Variants in BAP1 observed in about 807,000 individuals in gnomAD.
The protein encoded by BAP1 is ubiquitin carboxyl-terminal hydrolase BAP1.
Under a neutral mutation model 77.2 loss-of-function variants are expected in BAP1, and 16 were observed. That is an observed-to-expected ratio of 0.21 (90% CI 0.14 to 0.31). BAP1 has a LOEUF of 0.31. BAP1 is among the 10% of genes least tolerant of loss of function. The probability of loss-of-function intolerance (pLI) is 1.00; values close to 1 mark genes in which losing one functional copy is unlikely to be tolerated. For synonymous variants in BAP1, 362 were observed against 385.2 expected, an observed-to-expected ratio of 0.94 and a Z score of 0.71; for missense variants, 699 against 967.3, an observed-to-expected ratio of 0.72 and a Z score of 3.68.
At chr3:52,407,371 C>G (rs1204860205) in intron 6 of BAP1, 28 bp downstream of exon 6, 1 of 1,614,196 alleles carries the variant, frequency 6.2e-7, no homozygotes, top group East Asian at 2.2e-5. Context: ...ACTCCCACCC[C>G]ACATCAGCTC....
chr3:52,408,323 T>C, intron 4 of BAP1, 151 bp downstream of exon 4: 2 of 1,347,188 alleles, frequency 1.5e-6, no homozygotes, highest in South Asian at 2.5e-5. Flanking sequence ...CTTTAATGAA[T>C]TAAGAGTTCA....
At position 52,407,977 on chromosome 3, in the gene BAP1, G is replaced by C. The variant is rs762084469; in HGVS notation, c.356C>G (p.Thr119Ser). Residue 119 changes from threonine (T) to serine (S), a missense_variant, in exon 5 of 17, where the codon ACC (threonine) becomes AGC (serine). Physicochemically the swap from Thr to Ser is moderately conservative, Grantham distance 58 (BLOSUM62 1). Transcript: ENST00000460680. ...GPTLSRMKDF[T>S]KGFSPESKGY... The stretch of plus-strand genomic sequence containing the variant: ...GCCTACCTCAGGGCTGAAACCCTTG[G>C]TGAAGTCCTTCATGCGACTCAGGGT... 1.9e-6 allele frequency: 3 copies of C among 1,613,862 alleles called. No homozygotes were observed. In the African/African-American group the frequency reaches 4.0e-5, roughly 22 times the overall value.
chr3:52,404,292 G>A (rs1302051393), intron 12 of BAP1, among the ~76,000 whole-genome samples, 161 bp downstream of exon 12: 4 of 152,184 alleles, frequency 2.6e-5, no homozygotes, highest in African/African-American at 9.7e-5. Flanking sequence ...AAACTTCCTG[G>A]GGACCTGGGG....
At position 52,405,143 on chromosome 3, in the gene BAP1, T is replaced by C. The variant is rs2153227010; in HGVS notation, c.1083A>G (p.Leu361=). 1 of 1,614,144 alleles carries C rather than the reference T, an allele frequency of 6.2e-7. No individual in the cohort carries two copies. The change falls in exon 11 of 17, where the codon CTA becomes CTG. Residue 361 remains leucine, a synonymous_variant. Coordinates refer to ENST00000460680, the MANE Select transcript of BAP1 (RefSeq NM_004656.4). The part of the protein sequence containing the change: ...TPIVQRLPAF[L]DNHNYAKSPM... ...GGGACTTGGCATAATTGTGATTGTC[T>C]AGAAAGGCCGGCAGCCGCTGGACAA... is the stretch of plus-strand genomic sequence containing the variant.
At position 52,405,147 on chromosome 3, in the gene BAP1, A is replaced by C; in HGVS notation, c.1079T>G (p.Phe360Cys). 6.2e-7 allele frequency: 1 copy of C among 1,614,142 alleles called. No homozygotes were observed. Among genetic ancestry groups the C allele is most frequent in the Non-Finnish European group, 8.5e-7 (1 of 1,180,030 alleles). The change falls in exon 11 of 17, where the codon TTT becomes TGT. Residue 360 changes from phenylalanine (F) to cysteine (C), a missense_variant. Coordinates refer to ENST00000460680, the MANE Select transcript of BAP1 (RefSeq NM_004656.4). ...CTTGGCATAATTGTGATTGTCTAGA[A>C]AGGCCGGCAGCCGCTGGACAATGGG... ...PTPIVQRLPA[F>C]LDNHNYAKSP...
intron 11 of BAP1, 31 bp from the exon 12 acceptor site, chr3:52,404,617 A>T (rs776631746): frequency 1.9e-6 from 3 of 1,605,580 alleles, no homozygotes; most frequent in South Asian, 1.1e-5. Context: ...GTTACAAACA[A>T]GTGCTGCTCG....
rs1253470807 is a variant in BAP1 at position 52,403,141 on chromosome 3, G to C, written c.1887C>G (p.Pro629=). Reference sequence around the variant, plus strand: ...GAAAACCACAACGGAGGCTCACCTTGGGTGAGTATTTCTCCCCACTCAAGG... The same window carrying C: ...GAAAACCACAACGGAGGCTCACCTTCGGTGAGTATTTCTCCCCACTCAAGG... ...GEPLSGEKYS[P]KELLALLKCV... Residue 629 remains proline (P), a synonymous_variant, in exon 14 of 17, where the codon CCC becomes CCG. Transcript: ENST00000460680. This position sits in a 1 kb window ranked among gnomAD's most constrained non-coding sequence, Gnocchi z 4.0. The C allele has an allele frequency of 6.2e-7, 1 of 1,613,274 alleles. No homozygotes were observed. The highest frequency in any genetic ancestry group is 1.1e-5 in the South Asian group (1 of 91,084).
At position 52,403,567 on chromosome 3, in the gene BAP1, G is replaced by T. The variant is rs1250224373; in HGVS notation, c.1578C>A (p.His526Gln). 8 of 1,614,176 alleles carry T rather than the reference G, an allele frequency of 5.0e-6. No individual in the cohort carries two copies. Among genetic ancestry groups the T allele is most frequent in the Non-Finnish European group, 6.8e-6 (8 of 1,180,016 alleles). The change falls in exon 13 of 17, where the codon CAC becomes CAA. Residue 526 changes from histidine (H) to glutamine (Q), a missense_variant. This residue lies in a region of BAP1 where 475 missense variants were observed against 532.4 expected (regional missense o/e 0.89). Transcript: ENST00000460680. This position sits in a 1 kb window ranked among gnomAD's most constrained non-coding sequence, Gnocchi z 4.0. The stretch of plus-strand genomic sequence containing the variant: ...CCTCTCCAAAAAGCACCTTGGAGAT[G>T]TGGGAGGTGACAGGGCTGGAGGGCC... ...PTRPSSPVTS[H>Q]ISKVLFGEDD...
rs752637155 is a variant in BAP1, at chr3:52,402,958, CA to C, written c.1891-88del. On this transcript the variant is annotated intron_variant, in intron 14 of 16. Transcript: ENST00000460680. This position sits in a 1 kb window ranked among gnomAD's most constrained non-coding sequence, Gnocchi z 5.3. ...ATAGGCAGCTAGAGGCAAGGATGAG[CA>C]GCGAGTCCATGCCTATCAAGGCCCC... is the stretch of plus-strand genomic sequence containing the variant. 2.3e-5 allele frequency: 37 copies of C among 1,606,464 alleles called. No homozygotes were observed. The highest frequency in any genetic ancestry group is 3.0e-5 in the Non-Finnish European group (35 of 1,179,402).
At chr3:52,405,633 C>T (rs1705131426) in intron 10 of BAP1, 132 bp downstream of exon 10, 1 of 1,422,892 alleles carries the variant, frequency 7.0e-7, no homozygotes, top group Non-Finnish European at 9.6e-7. Flanking sequence ...ACTGCTCTCC[C>T]TCTACCTTCT....
rs1258304059 is a variant in BAP1 at position 52,406,434 on chromosome 3, G to A, written c.660-58C>T. 37 of 1,606,200 alleles carry A rather than the reference G, an allele frequency of 2.3e-5. No individual in the cohort carries two copies. The highest frequency in any genetic ancestry group is 3.1e-5 in the Non-Finnish European group (36 of 1,179,614). On this transcript the variant is annotated intron_variant, in intron 8 of 16. Transcript: ENST00000460680. The surrounding 1 kb of genome is among the most constrained non-coding windows in gnomAD (Gnocchi z 4.6). ...CCCGCCCCGGCCCCGCCATCAGGTT[G>A]AGGCAGATATCCTGGCAGGGCTCCC...
At chr3:52,405,515 A>AC in intron 10 of BAP1, 1 of 629,820 alleles carries the variant, frequency 1.6e-6, no homozygotes, top group South Asian at 2.2e-5. Flanking sequence ...AAAAAAAAAA[A>AC]AAAAAACCGC....
intron 12 of BAP1, 93 bp downstream of exon 12, chr3:52,404,360 A>T: frequency 6.2e-7 from 1 of 1,600,512 alleles, no homozygotes; most frequent in Non-Finnish European, 8.6e-7. Flanking sequence ...GCTCAACATT[A>T]TCTGCTGCAG....
In BAP1 at chr3:52,402,619, G is replaced by A. The variant is rs1482394743; in HGVS notation, c.2039C>T (p.Ser680Phe). ...CCCCTCACCTTCCTGAGCCAGCATG[G>A]AGATAAAGGTGCAGATGAACTCATC... ...NYDEFICTFI[S>F]MLAQEGMLAN... Residue 680 changes from serine (S) to phenylalanine (F), a missense_variant, in exon 16 of 17, where the codon TCC (serine) becomes TTC (phenylalanine). Physicochemically the swap from Ser to Phe is radical, Grantham distance 155 (BLOSUM62 -2). Coordinates refer to ENST00000460680, the MANE Select transcript of BAP1 (RefSeq NM_004656.4). This position sits in a 1 kb window ranked among gnomAD's most constrained non-coding sequence, Gnocchi z 5.3. The A allele has an allele frequency of 6.2e-7, 1 of 1,614,186 alleles. No individual in the cohort carries two copies. The highest frequency in any genetic ancestry group is 2.2e-5 in the East Asian group (1 of 44,894).
chr3:52,403,869 G>C lies in BAP1; in HGVS notation c.1276C>G (p.Pro426Ala). Residue 426 changes from proline to alanine, a missense_variant, in exon 13 of 17, where the codon CCA becomes GCA. Pro to Ala is a conservative substitution (Grantham distance 27). Coordinates refer to ENST00000460680, the MANE Select transcript of BAP1 (RefSeq NM_004656.4). The surrounding 1 kb of genome is among the most constrained non-coding windows in gnomAD (Gnocchi z 4.0). ...TCAGCAGAACCGCTCAATGCCCCTG[G>C]CTTCCCTGTTCCCTTCCCCTTATAC... ...LRYKGKGTGK[P>A]GALSGSADGQ... 1 of 1,614,054 alleles carries C rather than the reference G, an allele frequency of 6.2e-7. No homozygotes were observed. Among genetic ancestry groups the C allele is most frequent in the Non-Finnish European group, 8.5e-7 (1 of 1,180,020 alleles).
In BAP1 at chr3:52,402,897, T is replaced by G; in HGVS notation, c.1891-26A>C. The G allele has an allele frequency of 6.2e-7, 1 of 1,614,004 alleles. No individual in the cohort carries two copies. Among genetic ancestry groups the G allele is most frequent in the Non-Finnish European group, 8.5e-7 (1 of 1,180,018 alleles). On this transcript the variant is annotated intron_variant, in intron 14 of 16. Transcript: ENST00000460680. This position sits in a 1 kb window ranked among gnomAD's most constrained non-coding sequence, Gnocchi z 5.3. ...CTGCCAAAACCCAGCATTGCACCTCTGATCGGGGCGGGCCAGCAACAAAGC... is the reference window on the plus strand; with the variant it reads ...CTGCCAAAACCCAGCATTGCACCTCGGATCGGGGCGGGCCAGCAACAAAGC...
In BAP1 at chr3:52,404,545, A is replaced by G. The variant is rs368482755; in HGVS notation, c.1158T>C (p.Val386=). 2 of 1,613,822 alleles carry G rather than the reference A, an allele frequency of 1.2e-6. No individual in the cohort carries two copies. Among genetic ancestry groups the G allele is most frequent in the African/African-American group, 2.7e-5 (2 of 74,916 alleles). ...DLAAGVGRSR[V]PVRPPQQYSD... ...AGTACTGCTGGGGTGGGCGGACTGG[A>G]ACTCGGCTGCGGCCCACACCTGCCG... is the stretch of plus-strand genomic sequence containing the variant. Residue 386 remains valine, a synonymous_variant, in exon 12 of 17, where the codon GTT becomes GTC. Coordinates refer to ENST00000460680, the MANE Select transcript of BAP1 (RefSeq NM_004656.4).
At position 52,402,500 on chromosome 3, in the gene BAP1, C is replaced by T; in HGVS notation, c.2057-79G>A. The T allele has an allele frequency of 6.2e-7, 1 of 1,603,818 alleles. No individual in the cohort carries two copies. The highest frequency in any genetic ancestry group is 8.5e-7 in the Non-Finnish European group (1 of 1,175,074). On this transcript the variant is annotated intron_variant, in intron 16 of 16. Coordinates refer to ENST00000460680, the MANE Select transcript of BAP1 (RefSeq NM_004656.4). This position sits in a 1 kb window ranked among gnomAD's most constrained non-coding sequence, Gnocchi z 5.3. ...TGAGGCTCTCATGGCCCTCCCTGTGCCCCAAGGTCTGCTCAAGCCTCAGGA... is the reference window on the plus strand; with the variant it reads ...TGAGGCTCTCATGGCCCTCCCTGTGTCCCAAGGTCTGCTCAAGCCTCAGGA...
rs1226697316 is a variant in BAP1, at chr3:52,402,447, C to G, written c.2057-26G>C. On this transcript the variant is annotated intron_variant, in intron 16 of 16. Coordinates refer to ENST00000460680, the MANE Select transcript of BAP1 (RefSeq NM_004656.4). This position sits in a 1 kb window ranked among gnomAD's most constrained non-coding sequence, Gnocchi z 5.3. ...CTGCGAAGAGGTAGAGACCCTTGAGCAGGTGCTGGCTGCCTCAGGCCAGGA... is the reference window on the plus strand; with the variant it reads ...CTGCGAAGAGGTAGAGACCCTTGAGGAGGTGCTGGCTGCCTCAGGCCAGGA... The G allele has an allele frequency of 8.3e-6, 13 of 1,572,526 alleles. 1 individual carries two copies. In the East Asian group the frequency reaches 3.1e-4, roughly 37 times the overall value.
Sources: gnomAD v4.1 joint callset for allele counts (sites outside exome capture counted in the v4.1 genomes callset) on GRCh38, gnomAD v4.1.1 for gene constraint, gnomAD v4.1.1 regional missense constraint, Gnocchi (gnomAD v3.1) non-coding constraint, MANE v1.5 for transcripts, NCBI Gene and HGNC (gene_info 2026-07-23, HGNC 2026-07-21) for gene names.